ALDH4A1: variants seen among roughly 807,000 people sequenced by gnomAD.
ALDH4A1 encodes aldehyde dehydrogenase 4 family member A1, also known as delta-1-pyrroline-5-carboxylate dehydrogenase, mitochondrial.
Under a neutral mutation model 70.5 loss-of-function variants are expected in ALDH4A1, and 46 were observed. That is an observed-to-expected ratio of 0.65 (90% CI 0.51 to 0.83). The LOEUF (loss-of-function observed/expected upper bound fraction) is 0.83, where lower values mean the gene tolerates loss of function less well. ALDH4A1 is among the 40% of genes least tolerant of loss of function. The pLI is 0.00. For synonymous variants in ALDH4A1, 323 were observed against 324.3 expected, an observed-to-expected ratio of 1.00 and a Z score of 0.04; for missense variants, 749 against 766.5, an observed-to-expected ratio of 0.98 and a Z score of 0.27.
intron 12 of ALDH4A1, 24 bp downstream of exon 12, chr1:18,876,291 C>A: frequency 6.2e-7 from 1 of 1,612,562 alleles, no homozygotes; most frequent in Non-Finnish European, 8.5e-7. Context: ...CTCCTCTGGA[C>A]CCCAGGCTGC....
chr1:18,889,051 G>T (rs780866279), intron 3 of ALDH4A1, among the ~76,000 whole-genome samples: 3 of 152,244 alleles, frequency 2.0e-5, no homozygotes, highest in Non-Finnish European at 2.9e-5. Context: ...GGGGCCCGGG[G>T]CCCAGCTTTT....
chr1:18,890,929 G>GATGT (rs1472518217), intron 1 of ALDH4A1: 1 of 981,538 alleles, frequency 1.0e-6, no homozygotes, highest in African/African-American at 1.7e-5. Context: ...GAATGTCCAA[G>GATGT]ATGTGGACCA....
chr1:18,883,017 TC>T, intron 7 of ALDH4A1, 106 bp downstream of exon 7: 1 of 1,457,746 alleles, frequency 6.9e-7, no homozygotes, highest in Non-Finnish European at 9.6e-7. Flanking sequence ...TCTGTGCCTC[TC>T]CCCATGACTA....
intron 1 of ALDH4A1, among the ~76,000 whole-genome samples, chr1:18,892,329 G>A (rs921922894): frequency 2.0e-5 from 3 of 152,288 alleles, no homozygotes; most frequent in African/African-American, 7.2e-5. Flanking sequence ...TGGAGATAAA[G>A]CAGTGACAGA....
rs1339575713 is a variant in ALDH4A1 at position 18,880,522 on chromosome 1, G to C, written c.867-1149C>G. 2.6e-5 allele frequency among the ~76,000 whole-genome samples: 4 copies of C among 152,010 alleles called. No individual in the cohort carries two copies. Among genetic ancestry groups the C allele is most frequent in the Admixed American group, 2.0e-4 (3 of 15,262 alleles). On this transcript the variant is annotated intron_variant, in intron 8 of 14. Transcript: ENST00000375341. The surrounding 1 kb of genome is among the most constrained non-coding windows in gnomAD (Gnocchi z 5.1). ...CAAGCCCCTACCACCCCTCCCTGGA[G>C]GTCAACAGTCCCTGGCCAGTCTCCT... is the stretch of plus-strand genomic sequence containing the variant.
chr1:18,880,061 G>A lies in ALDH4A1; in HGVS notation c.867-688C>T, dbSNP rs1039258735. 1.6e-4 allele frequency among the ~76,000 whole-genome samples: 24 copies of A among 152,206 alleles called. No individual in the cohort carries two copies. Among genetic ancestry groups the A allele is most frequent in the African/African-American group, 4.8e-4 (20 of 41,450 alleles). On this transcript the variant is annotated intron_variant, in intron 8 of 14. Transcript: ENST00000375341. The surrounding 1 kb of genome is among the most constrained non-coding windows in gnomAD (Gnocchi z 5.1). ...AGCGTGGAGAATGGGGTCCAGGCCC[G>A]CTCCGCCCGCTGATAGGCGGGGAGC...
Position 18,877,589 on chromosome 1 carries a change from A to C in ALDH4A1, c.964T>G (p.Phe322Val), listed in dbSNP as rs1934768432. Reference protein sequence around the residue: ...AGECGGKNFHFVHRSADVESV... With the variant: ...AGECGGKNFHVVHRSADVESV... ...TCCACGTCGGCCGAGCGGTGCACGA[A>C]GTGGAAGTTCTTTCCGCCGCACTCT... is the stretch of plus-strand genomic sequence containing the variant. Residue 322 changes from phenylalanine to valine, a missense_variant, in exon 10 of 15, where the codon TTC becomes GTC. Phe to Val is a conservative substitution (Grantham distance 50, BLOSUM62 -1). Coordinates refer to ENST00000375341, the MANE Select transcript of ALDH4A1 (RefSeq NM_003748.4). 1 of 1,409,490 alleles carries C rather than the reference A, an allele frequency of 7.1e-7. No homozygotes were observed. The allele number at this position is 1,409,490 out of a possible 1,614,324, so 87.3% of individuals were successfully genotyped here.
rs1405775462 is a variant in ALDH4A1, at chr1:18,881,836, C to A, written c.730G>T (p.Ala244Ser). 1 of 1,613,864 alleles carries A rather than the reference C, an allele frequency of 6.2e-7. No homozygotes were observed. Among genetic ancestry groups the A allele is most frequent in the Admixed American group, 1.7e-5 (1 of 60,024 alleles). The change falls in exon 8 of 15, where the codon GCT becomes TCT. Residue 244 changes from alanine (A) to serine (S), a missense_variant. By Grantham distance (99) the Ala-to-Ser change is moderately conservative. Transcript: ENST00000375341. ...PSDTAMLASYAVYRILREAGL... is the reference protein window; with the variant it reads ...PSDTAMLASYSVYRILREAGL... ...GCCTCCCGAAGGATGCGGTAGACAG[C>A]ATAGCTGGCCAGCATGGCAGTGTCA...
chr1:18,893,949 C>T (rs1344654675), intron 1 of ALDH4A1, among the ~76,000 whole-genome samples: 2 of 152,222 alleles, frequency 1.3e-5, no homozygotes, highest in Non-Finnish European at 2.9e-5. Flanking sequence ...CGGTGGCCAT[C>T]CTCAAGTTCT....
chr1:18,881,546 A>C (rs1440607132), intron 8 of ALDH4A1, among the ~76,000 whole-genome samples, 154 bp downstream of exon 8: 2 of 152,208 alleles, frequency 1.3e-5, no homozygotes, highest in African/African-American at 2.4e-5. Context: ...GGAAGCTCAG[A>C]GAGGTGAAGT....
intron 11 of ALDH4A1, among the ~76,000 whole-genome samples, 194 bp from the exon 12 acceptor site, chr1:18,876,661 C>CTGTGTGTGTGTGTATGTGTGTG (rs1934700252): frequency 6.8e-6 from 1 of 146,732 alleles, no homozygotes; most frequent in African/African-American, 2.5e-5. Context: ...GACATGAACA[C>CTGTGTGTGTGTGTATGTGTGTG]TGTGTGTGTG....
At chr1:18,893,342 A>C (rs1935507259) in intron 1 of ALDH4A1, among the ~76,000 whole-genome samples, 3 of 152,222 alleles carry the variant, frequency 2.0e-5, no homozygotes, top group Admixed American at 2.0e-4. Context: ...AAAATGTATC[A>C]GGCCCAGGGA....
chr1:18,886,589 C>G, intron 3 of ALDH4A1, 78 bp from the exon 4 acceptor site: 1 of 1,535,208 alleles, frequency 6.5e-7, no homozygotes, highest in Non-Finnish European at 9.0e-7. Context: ...GACTCAGAGC[C>G]GGTTTTCCAG....
intron 5 of ALDH4A1, among the ~76,000 whole-genome samples, chr1:18,885,013 A>G (rs2100580568): frequency 6.6e-6 from 1 of 152,196 alleles, no homozygotes; most frequent in South Asian, 2.1e-4. Context: ...AGCTGGACAG[A>G]GGTGGGCAGA....
chr1:18,883,046 C>G (rs902140396), intron 7 of ALDH4A1, 78 bp downstream of exon 7: 25 of 1,589,344 alleles, frequency 1.6e-5, no homozygotes, highest in Non-Finnish European at 2.1e-5. Flanking sequence ...ACCCAAGGGG[C>G]TCAGGGTGGC....
At chr1:18,886,793 G>A (rs926994819) in intron 3 of ALDH4A1, among the ~76,000 whole-genome samples, 4 of 152,174 alleles carry the variant, frequency 2.6e-5, no homozygotes, top group Non-Finnish European at 4.4e-5. Context: ...AGGAAAGCAC[G>A]GACCTTTGTG....
At position 18,880,760 on chromosome 1, in the gene ALDH4A1, T is replaced by C. The variant is rs776988268; in HGVS notation, c.866+940A>G. On this transcript the variant is annotated intron_variant, in intron 8 of 14. Coordinates refer to ENST00000375341, the MANE Select transcript of ALDH4A1 (RefSeq NM_003748.4). This position sits in a 1 kb window ranked among gnomAD's most constrained non-coding sequence, Gnocchi z 5.1. ...CAATATTTGGATTTATCTATGAAAT[T>C]GTCCCAATTATACAAAGTTGGGCCA... Among the ~76,000 whole-genome samples the C allele has an allele frequency of 1.2e-4, 18 of 152,198 alleles. No homozygotes were observed. Among genetic ancestry groups the C allele is most frequent in the Non-Finnish European group, 2.4e-4 (16 of 68,026 alleles).
At chr1:18,890,740 T>A in intron 1 of ALDH4A1, 3 of 985,556 alleles carry the variant, frequency 3.0e-6, no homozygotes, top group Non-Finnish European at 3.6e-6. Context: ...CACGTTGAAG[T>A]ATTTTCCACA....
intron 3 of ALDH4A1, among the ~76,000 whole-genome samples, chr1:18,888,374 G>T (rs1171268926): frequency 3.9e-5 from 6 of 152,338 alleles, no homozygotes; most frequent in South Asian, 2.1e-4. Flanking sequence ...GGCAAACATA[G>T]ATCCTGCCCT....
Sources: gnomAD v4.1 joint callset for allele counts (sites outside exome capture counted in the v4.1 genomes callset) on GRCh38, gnomAD v4.1.1 for gene constraint, Gnocchi (gnomAD v3.1) non-coding constraint, MANE v1.5 for transcripts, NCBI Gene and HGNC (gene_info 2026-07-23, HGNC 2026-07-21) for gene names.